Variants in ASCC3 observed in about 807,000 individuals in gnomAD.
The protein encoded by ASCC3 is activating signal cointegrator 1 complex subunit 3.
A neutral mutation model predicts 256.3 loss-of-function variants in ASCC3; 158 were observed. The ratio of observed to expected loss-of-function variants is 0.62; its 90% confidence interval spans 0.54 to 0.70. ASCC3 has a LOEUF of 0.70. Ranked by LOEUF, ASCC3 falls within the 30% of genes least tolerant of loss-of-function variation. The probability of loss-of-function intolerance (pLI) is 0.00; values close to 1 mark genes in which losing one functional copy is unlikely to be tolerated. For synonymous variants in ASCC3, 948 were observed against 883.4 expected (o/e 1.07, Z -1.30); for missense variants, 2,259 against 2,626.0 (o/e 0.86, Z 3.05).
At chr6:100,646,907 G>C (rs929747987) in intron 21 of ASCC3, 138 bp from the exon 22 acceptor site, 13 of 932,492 alleles carry the variant, frequency 1.4e-5, no homozygotes, top group Non-Finnish European at 2.0e-5. Context: ...TGACATTCTT[G>C]ACCTGGCATG....
chr6:100,589,159 TG>T (rs1355485780), intron 36 of ASCC3, among the ~76,000 whole-genome samples: 1 of 152,146 alleles, frequency 6.6e-6, no homozygotes, highest in Non-Finnish European at 1.5e-5. Context: ...GTCATTTTTT[TG>T]GTAAGGGTGT....
At chr6:100,637,611 G>T (rs1774905001) in intron 25 of ASCC3, among the ~76,000 whole-genome samples, 1 of 152,094 alleles carries the variant, frequency 6.6e-6, no homozygotes, top group African/African-American at 2.4e-5. Flanking sequence ...CTTCTGGAAA[G>T]AATTCACCAT....
chr6:100,868,434 C>G (rs1773579654), intron 1 of ASCC3, among the ~76,000 whole-genome samples: 2 of 152,192 alleles, frequency 1.3e-5, no homozygotes, highest in African/African-American at 4.8e-5. Flanking sequence ...GGAATGGTTT[C>G]CCTTGATGTT....
At chr6:100,548,335 CTTGA>C (rs1769096508) in intron 36 of ASCC3, among the ~76,000 whole-genome samples, 1 of 151,770 alleles carries the variant, frequency 6.6e-6, no homozygotes. Flanking sequence ...TCTTTTTGTG[CTTGA>C]TTGACAGTTT....
intron 33 of ASCC3, among the ~76,000 whole-genome samples, chr6:100,604,400 C>T (rs1054724490): frequency 7.3e-5 from 11 of 151,498 alleles, no homozygotes; most frequent in African/African-American, 2.4e-4. Context: ...GTTTAATTCG[C>T]TATTTTTTTT....
At chr6:100,576,416 A>G (rs1770862976) in intron 36 of ASCC3, among the ~76,000 whole-genome samples, 1 of 152,080 alleles carries the variant, frequency 6.6e-6, no homozygotes, top group African/African-American at 2.4e-5. Context: ...TTTTAAAAGT[A>G]TATTTCTTAC....
At chr6:100,867,694 G>A (rs1347413585) in intron 2 of ASCC3, among the ~76,000 whole-genome samples, 2 of 152,212 alleles carry the variant, frequency 1.3e-5, no homozygotes, top group South Asian at 2.1e-4. Context: ...AATTATCATA[G>A]TTCTGATTAT....
At chr6:100,681,783 T>C (rs1298433686) in intron 13 of ASCC3, among the ~76,000 whole-genome samples, 1 of 145,992 alleles carries the variant, frequency 6.8e-6, no homozygotes, top group Non-Finnish European at 1.5e-5. Context: ...ACTAATAGAA[T>C]TTATTTCAGA....
At chr6:100,868,509 G>A (rs998373313) in intron 1 of ASCC3, among the ~76,000 whole-genome samples, 10 of 152,132 alleles carry the variant, frequency 6.6e-5, no homozygotes, top group African/African-American at 2.4e-4. Context: ...AGCCTTTCCT[G>A]ACCACCCCAT....
At chr6:100,695,181 C>A (rs879836939) in intron 13 of ASCC3, among the ~76,000 whole-genome samples, 1 of 151,986 alleles carries the variant, frequency 6.6e-6, no homozygotes, top group African/African-American at 2.4e-5. Flanking sequence ...AATTGATATA[C>A]GCTCTTTGAA....
At chr6:100,838,993 T>C (rs935129752) in intron 4 of ASCC3, among the ~76,000 whole-genome samples, 1 of 152,128 alleles carries the variant, frequency 6.6e-6, no homozygotes, top group Admixed American at 6.6e-5. Flanking sequence ...TCCAAAATGT[T>C]TTTATTTATC....
At chr6:100,767,876 A>G (rs1324689198) in intron 8 of ASCC3, among the ~76,000 whole-genome samples, 1 of 151,844 alleles carries the variant, frequency 6.6e-6, no homozygotes, top group Non-Finnish European at 1.5e-5. Context: ...TAGGCCTCCC[A>G]AAGTGCTGGG....
At chr6:100,806,468 G>A (rs562653035) in intron 4 of ASCC3, among the ~76,000 whole-genome samples, 14 of 151,948 alleles carry the variant, frequency 9.2e-5, no homozygotes, top group Non-Finnish European at 2.1e-4. Context: ...TTAAGTTGAT[G>A]TCAGAGTTAG....
At chr6:100,679,595 T>C (rs201109488) in intron 14 of ASCC3, 23 bp downstream of exon 14, 1 of 1,613,142 alleles carries the variant, frequency 6.2e-7, no homozygotes, top group African/African-American at 1.3e-5. Flanking sequence ...CATGCTTTAG[T>C]TCTTGTCCTC....
At chr6:100,611,765 G>A (rs1773411044) in intron 30 of ASCC3, among the ~76,000 whole-genome samples, 1 of 151,766 alleles carries the variant, frequency 6.6e-6, no homozygotes, top group South Asian at 2.1e-4. Flanking sequence ...GTGATAGCTA[G>A]TACTTTTCTA....
At chr6:100,785,016 G>A (rs1425124047) in intron 8 of ASCC3, among the ~76,000 whole-genome samples, 1 of 129,508 alleles carries the variant, frequency 7.7e-6, no homozygotes, top group African/African-American at 2.5e-5. Flanking sequence ...TCTTGAAAGT[G>A]CACTGAAAAA....
intron 37 of ASCC3, among the ~76,000 whole-genome samples, chr6:100,523,431 T>C (rs1774404778): frequency 6.6e-6 from 1 of 152,158 alleles, no homozygotes. Context: ...AAATAAGCTA[T>C]ACAGAGAAAA....
At chr6:100,868,597 A>C (rs1337142760) in intron 1 of ASCC3, among the ~76,000 whole-genome samples, 1 of 152,212 alleles carries the variant, frequency 6.6e-6, no homozygotes, top group Non-Finnish European at 1.5e-5. Flanking sequence ...AATATTTGAC[A>C]CTTTCTTGTT....
intron 13 of ASCC3, among the ~76,000 whole-genome samples, chr6:100,696,078 T>C (rs1442374006): frequency 6.6e-6 from 1 of 152,186 alleles, no homozygotes; most frequent in Non-Finnish European, 1.5e-5. Flanking sequence ...CATAATATAG[T>C]GATAGCTACA....
Sources: allele counts gnomAD v4.1 joint callset (sites outside exome capture counted in the v4.1 genomes callset), GRCh38; gene constraint gnomAD v4.1.1; transcripts MANE v1.5; gene names NCBI Gene and HGNC (gene_info 2026-07-23, HGNC 2026-07-21).